KIF3B: variants seen among roughly 807,000 people sequenced by gnomAD.
The protein encoded by KIF3B is kinesin family member 3B, also known as kinesin-like protein KIF3B.
Under a neutral mutation model 74.3 loss-of-function variants are expected in KIF3B, and 38 were observed. That is an observed-to-expected ratio of 0.51 (90% CI 0.39 to 0.67). The LOEUF (loss-of-function observed/expected upper bound fraction) is 0.67. KIF3B is among the 30% of genes least tolerant of loss of function. The pLI, the probability that KIF3B is intolerant of heterozygous loss-of-function variation, is 0.00. For synonymous variants in KIF3B, 326 were observed against 342.5 expected (o/e 0.95, Z 0.53); for missense variants, 649 against 932.0 (o/e 0.70, Z 3.95).
chr20:32,318,385 A>C (rs1183414496), intron 5 of KIF3B, among the ~76,000 whole-genome samples: 1 of 152,178 alleles, frequency 6.6e-6, no homozygotes, highest in African/African-American at 2.4e-5. Flanking sequence ...CTATAAAACC[A>C]CCACTACAAT....
At chr20:32,319,834 C>T (rs1414228580) in intron 5 of KIF3B, among the ~76,000 whole-genome samples, 3 of 151,646 alleles carry the variant, frequency 2.0e-5, no homozygotes, top group Non-Finnish European at 4.4e-5. Context: ...GATCCACCTG[C>T]CTTGGCATCC....
chr20:32,291,765 A>G (rs1329300431), intron 1 of KIF3B, among the ~76,000 whole-genome samples: 3 of 151,752 alleles, frequency 2.0e-5, no homozygotes, highest in Non-Finnish European at 2.9e-5. Context: ...ACAGACATGC[A>G]TGCACCACAC....
chr20:32,309,606 A>G lies in KIF3B; in HGVS notation c.-65-107A>G, dbSNP rs2047789431. Reference sequence around the variant, plus strand: ...ATACAGTGTAGTAAAGTTATCAGATATGGCTGTCAGGTTAGCAAGATGAAG... The same window carrying G: ...ATACAGTGTAGTAAAGTTATCAGATGTGGCTGTCAGGTTAGCAAGATGAAG... On this transcript the variant is annotated intron_variant, in intron 1 of 8. Transcript: ENST00000375712. The G allele has an allele frequency of 6.0e-6, 4 of 665,936 alleles. No individual in the cohort carries two copies. The South Asian group carries it at 8.4e-5, about 14-fold the overall frequency. 41.3% of individuals were successfully genotyped at this position (665,936 alleles called of 1,614,324 possible).
rs893222487 is a variant in KIF3B at position 32,333,903 on chromosome 20, A to G, written c.*2584A>G. On this transcript the variant is annotated 3_prime_UTR_variant, in exon 9 of 9. Transcript: ENST00000375712. ...TCTCTGGTGCTTTTCTTCTCTCAAAATGGATCCGATAAATATTTGAATAGA... is the reference window on the plus strand; with the variant it reads ...TCTCTGGTGCTTTTCTTCTCTCAAAGTGGATCCGATAAATATTTGAATAGA... The G allele has an allele frequency of 1.3e-5, 2 of 152,582 alleles. No homozygotes were observed. The highest frequency in any genetic ancestry group is 3.8e-4 in the East Asian group (2 of 5,198). The allele number at this position is 152,582 out of a possible 1,614,324, so 9.5% of individuals were successfully genotyped here.
At chr20:32,304,463 A>G (rs1163140869) in intron 1 of KIF3B, among the ~76,000 whole-genome samples, 1 of 152,226 alleles carries the variant, frequency 6.6e-6, no homozygotes, top group East Asian at 1.9e-4. Flanking sequence ...ATTGATGCTT[A>G]CAGATACACT....
Position 32,295,386 on chromosome 20 carries a change from G to A in KIF3B, c.-65-14327G>A, listed in dbSNP as rs987439123. 2.7e-5 allele frequency among the ~76,000 whole-genome samples: 4 copies of A among 150,908 alleles called. No homozygotes were observed. In the South Asian group the frequency reaches 8.6e-4, roughly 33 times the overall value. On this transcript the variant is annotated intron_variant, in intron 1 of 8. Coordinates refer to ENST00000375712, the MANE Select transcript of KIF3B (RefSeq NM_004798.4). Reference sequence around the variant, plus strand: ...CAGCTCACTGCAAGCTCCGCCTCCCGGGTTCACACCATTCTCCTGCCTCAG... The same window carrying A: ...CAGCTCACTGCAAGCTCCGCCTCCCAGGTTCACACCATTCTCCTGCCTCAG...
intron 5 of KIF3B, among the ~76,000 whole-genome samples, chr20:32,319,697 T>G (rs746738146): frequency 1.3e-5 from 2 of 148,864 alleles, no homozygotes; most frequent in Non-Finnish European, 3.0e-5. Flanking sequence ...GCGATTCTCA[T>G]GCCTCAGCCT....
rs868770983 is a variant in KIF3B, at chr20:32,316,287, C to T, written c.1474C>T (p.Leu492=). ...VDHTNEQQKI[L]EQKRQEIAEQ... The stretch of plus-strand genomic sequence containing the variant: ...TCATACGAATGAACAGCAGAAAATC[C>T]TGGAGCAGAAACGACAGGAAATTGC... The change falls in exon 3 of 9, where the codon CTG becomes TTG. Residue 492 remains leucine, a synonymous_variant. Transcript: ENST00000375712. 1 of 1,613,710 alleles carries T rather than the reference C, an allele frequency of 6.2e-7. No homozygotes were observed.
rs762839139 is a variant in KIF3B, at chr20:32,326,809, A to G, written c.1787A>G (p.Lys596Arg). The part of the protein sequence containing the change: ...IIENFIPLEE[K>R]SKIMNRAFFD... ...GAAAACTTTATCCCTCTGGAAGAAA[A>G]AAGTAAAATTATGAATAGAGCCTTC... The change falls in exon 6 of 9, where the codon AAA (lysine) becomes AGA (arginine). Residue 596 changes from lysine (K) to arginine (R), a missense_variant. Physicochemically the swap from Lys to Arg is conservative, Grantham distance 26. This residue lies in a region of KIF3B where 186 missense variants were observed against 198.5 expected (regional missense o/e 0.94). Coordinates refer to ENST00000375712, the MANE Select transcript of KIF3B (RefSeq NM_004798.4). 9.5e-6 allele frequency: 15 copies of G among 1,582,812 alleles called. No homozygotes were observed. Among genetic ancestry groups the G allele is most frequent in the Non-Finnish European group, 1.3e-5 (15 of 1,154,902 alleles).
At chr20:32,321,513 A>G (rs376417894) in intron 5 of KIF3B, among the ~76,000 whole-genome samples, 2 of 151,610 alleles carry the variant, frequency 1.3e-5, no homozygotes, top group African/African-American at 2.4e-5. Flanking sequence ...CCATTGTTCT[A>G]TATATCTATC....
rs539602819 is a variant in KIF3B at position 32,327,307 on chromosome 20, G to T, written c.1863-249G>T. Among the ~76,000 whole-genome samples the T allele has an allele frequency of 5.9e-5, 9 of 152,264 alleles. No individual in the cohort carries two copies. The South Asian group carries it at 1.9e-3, about 32-fold the overall frequency. On this transcript the variant is annotated intron_variant, in intron 6 of 8. Coordinates refer to ENST00000375712, the MANE Select transcript of KIF3B (RefSeq NM_004798.4). ...CACCTGGCAGGGATGCAGAGGTGGG[G>T]GGTGTTGACAGCTATGCTTTGTGAA...
At chr20:32,302,553 C>T (rs1480317060) in intron 1 of KIF3B, among the ~76,000 whole-genome samples, 1 of 152,120 alleles carries the variant, frequency 6.6e-6, no homozygotes. Context: ...ATTGTTTTGA[C>T]AGGTAAAAGT....
At chr20:32,306,844 C>A (rs1017364315) in intron 1 of KIF3B, among the ~76,000 whole-genome samples, 11 of 152,070 alleles carry the variant, frequency 7.2e-5, no homozygotes, top group African/African-American at 2.7e-4. Context: ...CCACCTACCT[C>A]AGCCTCCCAA....
At chr20:32,304,022 C>T (rs1336603187) in intron 1 of KIF3B, among the ~76,000 whole-genome samples, 2 of 152,118 alleles carry the variant, frequency 1.3e-5, no homozygotes, top group African/African-American at 4.8e-5. Context: ...AAAGTACTTC[C>T]ACCCTTATAA....
chr20:32,301,085 CTTTTTTTTTT>C lies in KIF3B; in HGVS notation c.-65-8615_-65-8606del, dbSNP rs950388063. Among the ~76,000 whole-genome samples the C allele has an allele frequency of 7.8e-5, 7 of 90,172 alleles. 1 individual carries two copies. The highest frequency in any genetic ancestry group is 2.4e-4 in the African/African-American group (6 of 24,996). 59.2% of individuals were successfully genotyped at this position (90,172 alleles called of 152,430 possible). On this transcript the variant is annotated intron_variant, in intron 1 of 8. Coordinates refer to ENST00000375712, the MANE Select transcript of KIF3B (RefSeq NM_004798.4). The stretch of plus-strand genomic sequence containing the variant: ...TCCTATGTTGCCCACGCTTCATGGT[CTTTTTTTTTT>C]TTTTTTTTTTTTGAGACAGAGTCTC...
chr20:32,311,285 C>T (rs1600430402), intron 2 of KIF3B, 104 bp downstream of exon 2: 3 of 1,279,854 alleles, frequency 2.3e-6, no homozygotes, highest in Non-Finnish European at 3.2e-6. Context: ...TGTCTCTCAT[C>T]AGTTTTGGAT....
rs2047929551 is a variant in KIF3B at position 32,331,417 on chromosome 20, T to C, written c.*98T>C. ...AGAGGATTCGGCCCAAACTCAGAACTGTTCCCCTGAGGAGAAGCGGTGGCC... is the reference window on the plus strand; with the variant it reads ...AGAGGATTCGGCCCAAACTCAGAACCGTTCCCCTGAGGAGAAGCGGTGGCC... On this transcript the variant is annotated 3_prime_UTR_variant, in exon 9 of 9. Coordinates refer to ENST00000375712, the MANE Select transcript of KIF3B (RefSeq NM_004798.4). The C allele has an allele frequency of 2.1e-6, 2 of 948,258 alleles. No homozygotes were observed. The highest frequency in any genetic ancestry group is 3.2e-6 in the Non-Finnish European group (2 of 618,550). The allele number at this position is 948,258 out of a possible 1,614,324, so 58.7% of individuals were successfully genotyped here.
intron 1 of KIF3B, among the ~76,000 whole-genome samples, chr20:32,288,716 A>G (rs1455517389): frequency 6.6e-6 from 1 of 152,032 alleles, no homozygotes; most frequent in East Asian, 1.9e-4. Flanking sequence ...TTTTATGTAC[A>G]GCATTGGAGT....
chr20:32,326,830 C>A lies in KIF3B; in HGVS notation c.1808C>A (p.Ala603Asp). 6.3e-7 allele frequency: 1 copy of A among 1,594,536 alleles called. No individual in the cohort carries two copies. The highest frequency in any genetic ancestry group is 8.6e-7 in the Non-Finnish European group (1 of 1,164,586). ...GAAAAAAGTAAAATTATGAATAGAG[C>A]CTTCTTTGATGAAGAGGAAGATCAT... ...LEEKSKIMNR[A>D]FFDEEEDHWK... Residue 603 changes from alanine to aspartate, a missense_variant, in exon 6 of 9, where the codon GCC (alanine) becomes GAC (aspartate). Ala to Asp is a moderately radical substitution (Grantham distance 126). This residue lies in a region of KIF3B where 186 missense variants were observed against 198.5 expected (regional missense o/e 0.94). Transcript: ENST00000375712.
Sources: gnomAD v4.1 joint callset for allele counts (sites outside exome capture counted in the v4.1 genomes callset) on GRCh38, gnomAD v4.1.1 for gene constraint, gnomAD v4.1.1 regional missense constraint, MANE v1.5 for transcripts, NCBI Gene and HGNC (gene_info 2026-07-23, HGNC 2026-07-21) for gene names.